ARHGEF9: variants seen among roughly 807,000 people sequenced by gnomAD.
The protein encoded by ARHGEF9 is Cdc42 guanine nucleotide exchange factor 9.
A neutral mutation model predicts 41.3 loss-of-function variants in ARHGEF9; 2 were observed. The ratio of observed to expected loss-of-function variants is 0.05; its 90% CI spans 0.02 to 0.15. The LOEUF (loss-of-function observed/expected upper bound fraction) is 0.15. Among genes scored for constraint, ARHGEF9 ranks in the 10% least tolerant of loss-of-function variants. ARHGEF9 has a pLI of 1.00. For synonymous variants in ARHGEF9, 160 were observed against 154.4 expected, an observed-to-expected ratio of 1.04 and a Z score of -0.27; for missense variants, 225 against 424.7, an observed-to-expected ratio of 0.53 and a Z score of 4.13.
intron 8 of ARHGEF9, 119 bp from the exon 9 acceptor site, chrX:63,644,167 C>CAAAA: frequency 2.8e-6 from 1 of 358,572 alleles, no homozygotes; most frequent in Non-Finnish European, 4.5e-6. Flanking sequence ...TCTTGAAATA[C>CAAAA]AAAAAAAAAA....
intron 1 of ARHGEF9, among the ~76,000 whole-genome samples, chrX:63,773,766 A>C (rs2056242332): frequency 9.0e-6 from 1 of 111,582 alleles, no homozygotes; most frequent in African/African-American, 3.2e-5. Flanking sequence ...GAAGATATGA[A>C]TAGAACAAAA....
At chrX:63,781,842 T>C (rs1338840802) in intron 1 of ARHGEF9, among the ~76,000 whole-genome samples, 2 of 112,198 alleles carry the variant, frequency 1.8e-5, no homozygotes, top group South Asian at 3.7e-4. Context: ...TAATTCTTTA[T>C]CCCAAGGACA....
In ARHGEF9 at chrX:63,635,288, G is replaced by T. The variant is rs781874437; in HGVS notation, c.*2740C>A. On this transcript the variant is annotated 3_prime_UTR_variant, in exon 10 of 10. Transcript: ENST00000671741. ...TTAGAAATATACACATAGAGAGGGG[G>T]GGAAAAAGAGAGAATAATTAGATGT... 1 of 515,972 alleles carries T rather than the reference G, an allele frequency of 1.9e-6. No individual in the cohort carries two copies. Among genetic ancestry groups the T allele is most frequent in the Admixed American group, 2.8e-5 (1 of 35,880 alleles). 42.5% of individuals were successfully genotyped at this position (515,972 alleles called of 1,213,427 possible). A position where few individuals can be genotyped will look rare whatever the true frequency, so the allele number is the denominator to read the frequency against.
At chrX:63,706,123 G>A in intron 3 of ARHGEF9, 135 bp downstream of exon 3, 2 of 642,506 alleles carry the variant, frequency 3.1e-6, no homozygotes. Flanking sequence ...TGACCCTAAG[G>A]AAGCAGTTTC....
At chrX:63,726,064 C>A (rs1199031868) in intron 1 of ARHGEF9, among the ~76,000 whole-genome samples, 1 of 112,336 alleles carries the variant, frequency 8.9e-6, no homozygotes, top group East Asian at 2.8e-4. Flanking sequence ...CACATACACA[C>A]ATGCTGATCT....
intron 4 of ARHGEF9, among the ~76,000 whole-genome samples, chrX:63,687,156 C>T (rs2051036986): frequency 1.8e-5 from 2 of 111,833 alleles, no homozygotes; most frequent in South Asian, 3.8e-4. Flanking sequence ...AACAGCATCA[C>T]GTTGCAGGAA....
chrX:63,742,251 C>A (rs1356130949), intron 1 of ARHGEF9, among the ~76,000 whole-genome samples: 1 of 111,714 alleles, frequency 9.0e-6, no homozygotes, highest in East Asian at 2.8e-4. Flanking sequence ...AGACTCTGGG[C>A]AAGTTCCTGC....
chrX:63,755,009 C>T, intron 1 of ARHGEF9: 1 of 938,847 alleles, frequency 1.1e-6, no homozygotes, highest in Non-Finnish European at 1.3e-6. Context: ...GTCTCCCCTA[C>T]TCCCTTTACT....
At chrX:63,721,229 G>A (rs187708188) in intron 2 of ARHGEF9, among the ~76,000 whole-genome samples, 4 of 111,669 alleles carry the variant, frequency 3.6e-5, no homozygotes, top group Admixed American at 2.8e-4. Context: ...CTGGAACAAT[G>A]GGCTTTCCTT....
At position 63,668,001 on chromosome X, in the gene ARHGEF9, C is replaced by T. The variant is rs1283798609; in HGVS notation, c.946-1984G>A. On this transcript the variant is annotated intron_variant, in intron 6 of 9. Transcript: ENST00000671741. ...AGTCCAATAAAGCCATAAAAGAGAGCCAATGCCATAAGAAGATGGTCAGAA... is the reference window on the plus strand; with the variant it reads ...AGTCCAATAAAGCCATAAAAGAGAGTCAATGCCATAAGAAGATGGTCAGAA... Among the ~76,000 whole-genome samples, 4 of 111,476 alleles carry T rather than the reference C, an allele frequency of 3.6e-5. 1 individual carries two copies. Among genetic ancestry groups the T allele is most frequent in the African/African-American group, 1.3e-4 (4 of 30,594 alleles).
chrX:63,694,907 A>G (rs1189811356), intron 4 of ARHGEF9, among the ~76,000 whole-genome samples: 1 of 112,477 alleles, frequency 8.9e-6, no homozygotes. Context: ...TAGAACTAAT[A>G]AAAGGGTAAA....
Position 63,638,086 on chromosome X carries a change from T to C in ARHGEF9, c.1514A>G (p.Lys505Arg), listed in dbSNP as rs1556300886. The change falls in exon 10 of 10, where the codon AAG becomes AGG. Residue 505 changes from lysine to arginine, a missense_variant. Lys to Arg is a conservative substitution (Grantham distance 26). Transcript: ENST00000671741. ...QSQVFEFTEP[K>R]RSQSPFWQNF... ...TTGCCAGAATGGTGACTGGCTGCGC[T>C]TGGGTTCGGTGAACTCAAAGACCTG... The C allele has an allele frequency of 8.3e-7, 1 of 1,210,669 alleles. No individual in the cohort carries two copies. The highest frequency in any genetic ancestry group is 2.2e-5 in the Admixed American group (1 of 45,954).
At chrX:63,748,911 G>T (rs782563803) in intron 1 of ARHGEF9, among the ~76,000 whole-genome samples, 1 of 112,140 alleles carries the variant, frequency 8.9e-6, no homozygotes, top group South Asian at 3.8e-4. Flanking sequence ...CTAGGCAGCA[G>T]ATTTTTAAAG....
At chrX:63,677,626 C>T (rs2050342655) in intron 5 of ARHGEF9, among the ~76,000 whole-genome samples, 1 of 111,293 alleles carries the variant, frequency 9.0e-6, no homozygotes, top group Admixed American at 9.5e-5. Flanking sequence ...CCTGACACTG[C>T]CTGAGCTACT....
chrX:63,785,107 T>G lies in ARHGEF9; in HGVS notation c.30+9A>C, dbSNP rs2147835548. On this transcript the variant is annotated intron_variant, in intron 1 of 9. Transcript: ENST00000671741. ...TCAAGCAAGGGAAGCCAAGGTTACATGCACTCACCATTCCCGATCCGCCCC... is the reference window on the plus strand; with the variant it reads ...TCAAGCAAGGGAAGCCAAGGTTACAGGCACTCACCATTCCCGATCCGCCCC... The G allele has an allele frequency of 2.6e-6, 3 of 1,165,191 alleles. No homozygotes were observed. Among genetic ancestry groups the G allele is most frequent in the South Asian group, 3.8e-5 (2 of 52,471 alleles).
chrX:63,723,659 C>A (rs1265681701), intron 2 of ARHGEF9, among the ~76,000 whole-genome samples: 1 of 111,988 alleles, frequency 8.9e-6, no homozygotes, highest in Non-Finnish European at 1.9e-5. Flanking sequence ...AAAATCAGAG[C>A]TCAAAATAGT....
At chrX:63,754,158 A>T in intron 1 of ARHGEF9, 1 of 663,705 alleles carries the variant, frequency 1.5e-6, no homozygotes, top group Non-Finnish European at 2.4e-6. Flanking sequence ...CATGAACGCC[A>T]CATAGATTAA....
chrX:63,654,253 C>T, intron 8 of ARHGEF9, among the ~76,000 whole-genome samples: 1 of 110,929 alleles, frequency 9.0e-6, no homozygotes, highest in Middle Eastern at 4.8e-3. Context: ...GATAAAGTCA[C>T]AGGTTTATTA....
intron 9 of ARHGEF9, chrX:63,639,789 G>A (rs1331148870): frequency 8.9e-6 from 1 of 112,162 alleles, no homozygotes; most frequent in African/African-American, 3.2e-5. Context: ...GCCACAAAAA[G>A]AATGAAATCC....
Sources: gnomAD v4.1 joint callset for allele counts (sites outside exome capture counted in the v4.1 genomes callset) on GRCh38, gnomAD v4.1.1 for gene constraint, MANE v1.5 for transcripts, NCBI Gene and HGNC (gene_info 2026-07-23, HGNC 2026-07-21) for gene names.